The following STXBP5L variants were observed in gnomAD, a reference collection of about 807,000 sequenced individuals.
STXBP5L encodes the protein syntaxin binding protein 5L, also known as syntaxin-binding protein 5-like.
A neutral mutation model predicts 144.5 loss-of-function variants in STXBP5L; 65 were observed. That is an observed-to-expected ratio of 0.45 (90% confidence interval 0.37 to 0.55). STXBP5L has a LOEUF of 0.55. Among genes scored for constraint, STXBP5L ranks in the 20% least tolerant of loss-of-function variants. The probability of loss-of-function intolerance (pLI) is 0.00; values close to 1 mark genes in which losing one functional copy is unlikely to be tolerated. For synonymous variants in STXBP5L, 505 were observed against 469.6 expected, an observed-to-expected ratio of 1.08 and a Z score of -0.97; for missense variants, 1,298 against 1,405.5, an observed-to-expected ratio of 0.92 and a Z score of 1.22.
intron 19 of STXBP5L, among the ~76,000 whole-genome samples, chr3:121,298,144 T>C (rs2051734134): frequency 6.6e-6 from 1 of 152,230 alleles, no homozygotes. Flanking sequence ...CAACACTTGT[T>C]ATTTTCTGTT....
At chr3:120,931,959 C>T (rs1463846259) in intron 2 of STXBP5L, among the ~76,000 whole-genome samples, 1 of 152,116 alleles carries the variant, frequency 6.6e-6, no homozygotes, top group Admixed American at 6.6e-5. Context: ...ATTGTGTGAA[C>T]GTCACAGAGT....
intron 5 of STXBP5L, among the ~76,000 whole-genome samples, chr3:121,046,948 G>A (rs1428465112): frequency 6.6e-6 from 1 of 151,888 alleles, no homozygotes; most frequent in Non-Finnish European, 1.5e-5. Context: ...GTAATGTTAG[G>A]TTGCTAATTT....
At chr3:120,964,803 T>A (rs1939351598) in intron 3 of STXBP5L, among the ~76,000 whole-genome samples, 1 of 152,236 alleles carries the variant, frequency 6.6e-6, no homozygotes, top group East Asian at 1.9e-4. Context: ...GTTGCAGATC[T>A]GAGTTCAGGT....
intron 22 of STXBP5L, among the ~76,000 whole-genome samples, chr3:121,388,937 A>G (rs141449761): frequency 0.027 from 4,104 of 152,126 alleles, 93 homozygotes; most frequent in African/African-American, 0.061. Context: ...CTCTTTTTCT[A>G]TTGATTGGAA....
intron 20 of STXBP5L, among the ~76,000 whole-genome samples, chr3:121,333,750 A>G (rs1199163223): frequency 2.0e-5 from 3 of 152,200 alleles, no homozygotes; most frequent in Non-Finnish European, 1.5e-5. Context: ...AAACACCTCT[A>G]TGCACAGAAA....
At chr3:120,981,148 T>C (rs1327585098) in intron 3 of STXBP5L, among the ~76,000 whole-genome samples, 2 of 152,182 alleles carry the variant, frequency 1.3e-5, no homozygotes, top group African/African-American at 2.4e-5. Flanking sequence ...TTCTCTTTCA[T>C]GTTAACTTTG....
chr3:121,338,609 AG>A (rs766321681), intron 20 of STXBP5L, among the ~76,000 whole-genome samples: 13,968 of 135,614 alleles, frequency 0.1, 665 homozygotes, highest in Non-Finnish European at 0.13. Flanking sequence ...AAAAAAAAAA[AG>A]AGAGAAAGAG....
chr3:121,164,976 A>T (rs1405922933), intron 9 of STXBP5L, among the ~76,000 whole-genome samples: 3 of 152,148 alleles, frequency 2.0e-5, no homozygotes, highest in Admixed American at 2.0e-4. Flanking sequence ...CAGCATAAGG[A>T]CTAAAGTTAA....
chr3:121,099,705 C>G (rs1003707437), intron 5 of STXBP5L: 2 of 153,122 alleles, frequency 1.3e-5, no homozygotes, highest in African/African-American at 4.8e-5. Flanking sequence ...GACTCCAAGC[C>G]TTGCTGTGCA....
At chr3:121,021,488 C>T (rs564305694) in intron 3 of STXBP5L, among the ~76,000 whole-genome samples, 1 of 152,284 alleles carries the variant, frequency 6.6e-6, no homozygotes, top group African/African-American at 2.4e-5. Flanking sequence ...GCATATGGAA[C>T]ATTCTCCAAG....
chr3:121,326,603 T>A (rs939055667), intron 20 of STXBP5L, among the ~76,000 whole-genome samples: 1 of 152,138 alleles, frequency 6.6e-6, no homozygotes, highest in Non-Finnish European at 1.5e-5. Context: ...GTATCTTCTG[T>A]ATCAAGGAGA....
chr3:121,091,664 T>G lies in STXBP5L; in HGVS notation c.471-23261T>G, dbSNP rs1159630106. On this transcript the variant is annotated intron_variant, in intron 5 of 26. Transcript: ENST00000471454. Reference sequence around the variant, plus strand: ...AAATTTGTTTGAGTTCATCATAGATTCTGGATATTAGCCCTTTGTCAGATG... The same window carrying G: ...AAATTTGTTTGAGTTCATCATAGATGCTGGATATTAGCCCTTTGTCAGATG... Among the ~76,000 whole-genome samples the G allele has an allele frequency of 2.0e-5, 3 of 152,218 alleles. No individual in the cohort carries two copies. The East Asian group carries it at 5.8e-4, about 29-fold the overall frequency.
At chr3:121,247,211 G>A (rs768362656) in intron 14 of STXBP5L, among the ~76,000 whole-genome samples, 2 of 152,310 alleles carry the variant, frequency 1.3e-5, no homozygotes, top group East Asian at 3.9e-4. Context: ...ACTGATATAT[G>A]TGTCTGTTTT....
intron 7 of STXBP5L, among the ~76,000 whole-genome samples, chr3:121,136,753 G>T (rs1418032777): frequency 6.6e-6 from 1 of 152,134 alleles, no homozygotes; most frequent in Non-Finnish European, 1.5e-5. Context: ...ATTATAAATT[G>T]TTCTACCATA....
At chr3:120,976,868 T>C (rs1338809757) in intron 3 of STXBP5L, among the ~76,000 whole-genome samples, 1 of 152,142 alleles carries the variant, frequency 6.6e-6, no homozygotes, top group East Asian at 1.9e-4. Context: ...AGTGAGTTTC[T>C]TAACCCTGAG....
intron 20 of STXBP5L, among the ~76,000 whole-genome samples, chr3:121,376,549 G>A (rs1208341215): frequency 6.6e-6 from 1 of 152,164 alleles, no homozygotes; most frequent in East Asian, 1.9e-4. Flanking sequence ...TTGTAGATGT[G>A]TGGTATTATT....
At chr3:121,014,433 A>T (rs920556183) in intron 3 of STXBP5L, among the ~76,000 whole-genome samples, 5 of 151,938 alleles carry the variant, frequency 3.3e-5, no homozygotes, top group African/African-American at 9.7e-5. Context: ...TTTCTGTCTG[A>T]GGTATTTCCT....
intron 14 of STXBP5L, among the ~76,000 whole-genome samples, chr3:121,250,170 A>G (rs2049984653): frequency 6.6e-6 from 1 of 151,786 alleles, no homozygotes; most frequent in Non-Finnish European, 1.5e-5. Context: ...TAATGTTTTT[A>G]TGTGGTTTTG....
At chr3:121,320,562 C>G (rs772200342) in intron 20 of STXBP5L, among the ~76,000 whole-genome samples, 5 of 151,992 alleles carry the variant, frequency 3.3e-5, no homozygotes, top group Non-Finnish European at 7.4e-5. Flanking sequence ...ATAAGGCTTT[C>G]AATAACTCAT....
Sources: gnomAD v4.1 joint callset for allele counts (sites outside exome capture counted in the v4.1 genomes callset) on GRCh38, gnomAD v4.1.1 for gene constraint, MANE v1.5 for transcripts, NCBI Gene and HGNC (gene_info 2026-07-23, HGNC 2026-07-21) for gene names.